Variants in GNAI2 observed in about 807,000 individuals in gnomAD.
GNAI2 encodes the protein G protein subunit alpha i2, also known as guanine nucleotide-binding protein G(i) subunit alpha-2.
In GNAI2, 4 loss-of-function variants were observed where a neutral mutation model predicts 36.8. The observed-to-expected ratio is 0.11, with a 90% CI of 0.05 to 0.25. The LOEUF is 0.25. Ranked by LOEUF, GNAI2 falls within the 10% of genes least tolerant of loss-of-function variation. The pLI is 1.00. For synonymous variants in GNAI2, 194 were observed against 194.1 expected, an observed-to-expected ratio of 1.00 and a Z score of 0.01; for missense variants, 230 against 481.3, an observed-to-expected ratio of 0.48 and a Z score of 4.89.
At chr3:50,234,337 G>C (rs995507862), upstream of GNAI2, among the ~76,000 whole-genome samples, 2 of 151,020 alleles carry the variant, frequency 1.3e-5, no homozygotes, top group African/African-American at 4.9e-5. Flanking sequence ...GATTACAGGC[G>C]TGAGCCACCG....
chr3:50,250,994 A>G (rs1700544272), intron 1 of GNAI2, among the ~76,000 whole-genome samples: 1 of 151,862 alleles, frequency 6.6e-6, no homozygotes, highest in Non-Finnish European at 1.5e-5. Context: ...TATTTTTAGA[A>G]GAGATGGGGT....
intron 1 of GNAI2, 147 bp from the exon 2 acceptor site, chr3:50,251,953 C>T: frequency 1.1e-6 from 1 of 896,970 alleles, no homozygotes; most frequent in Non-Finnish European, 1.7e-6. Flanking sequence ...AGCTCAACTG[C>T]CCACCAGGCC....
chr3:50,246,059 C>T (rs1700412213), intron 1 of GNAI2, among the ~76,000 whole-genome samples: 2 of 152,142 alleles, frequency 1.3e-5, no homozygotes, highest in Non-Finnish European at 2.9e-5. Context: ...CCTCCCAGTG[C>T]CGGACCCGTG....
rs1309158701 is a variant in GNAI2, at chr3:50,258,904, A to T, written c.*561A>T. The T allele has an allele frequency of 6.8e-6, 3 of 444,056 alleles. No individual in the cohort carries two copies. Among genetic ancestry groups the T allele is most frequent in the South Asian group, 4.9e-5 (3 of 61,442 alleles). The allele number at this position is 444,056 out of a possible 1,614,324, so 27.5% of individuals were successfully genotyped here. ...TAAAAAAATGAAAGTAAAGGAAAAA[A>T]AAAAAACTGCAAATCTAGAAAACTT... On this transcript the variant is annotated 3_prime_UTR_variant, in exon 9 of 9. Transcript: ENST00000313601.
chr3:50,230,944 G>A (rs368798206), exon 1 of GNAI2: 6 of 985,498 alleles, frequency 6.1e-6, no homozygotes, highest in South Asian at 9.4e-5. Flanking sequence ...ACTGATGACT[G>A]TGACTGGCTC....
chr3:50,233,918 C>T (rs1458887438), upstream of GNAI2, among the ~76,000 whole-genome samples: 4 of 130,396 alleles, frequency 3.1e-5, no homozygotes, highest in African/African-American at 1.2e-4. Context: ...TTTTTTGAGA[C>T]GGAGTCCTGC....
upstream of GNAI2, chr3:50,235,838 G>A (rs782108444): frequency 6.6e-6 from 1 of 152,186 alleles, no homozygotes; most frequent in Non-Finnish European, 1.5e-5. Flanking sequence ...CTCTGCCCTC[G>A]AGGGCACCGG....
intron 1 of GNAI2, chr3:50,251,533 T>C (rs1474157602): frequency 1.8e-6 from 2 of 1,135,356 alleles, no homozygotes; most frequent in Admixed American, 4.4e-5. Flanking sequence ...CTCCATCTGC[T>C]CAGGGCAGAC....
chr3:50,230,832 G>A (rs1700056308), exon 1 of GNAI2: 15 of 985,632 alleles, frequency 1.5e-5, no homozygotes, highest in Non-Finnish European at 1.8e-5. Context: ...GTGCTCGTGA[G>A]GCCCTGGCTA....
At chr3:50,235,251 G>A (rs1700138556), upstream of GNAI2, 1 of 152,172 alleles carries the variant, frequency 6.6e-6, no homozygotes, top group Admixed American at 6.6e-5. Flanking sequence ...ATTGGGGAAG[G>A]ATGGATATGA....
Position 50,256,399 on chromosome 3 carries a change from T to A in GNAI2, c.593+79T>A, listed in dbSNP as rs1209778834. 6.6e-6 allele frequency: 9 copies of A among 1,356,714 alleles called. No individual in the cohort carries two copies. In the African/African-American group the frequency reaches 1.3e-4, roughly 19 times the overall value. The allele number at this position is 1,356,714 out of a possible 1,614,324, so 84.0% of individuals were successfully genotyped here. On this transcript the variant is annotated intron_variant, in intron 5 of 8. Transcript: ENST00000313601. ...AGCAGAGGCAGGGGCTGGTCCAGGATCCCCCAGCCCCACTGAGGTTTTACA... is the reference window on the plus strand; with the variant it reads ...AGCAGAGGCAGGGGCTGGTCCAGGAACCCCCAGCCCCACTGAGGTTTTACA...
In GNAI2 at chr3:50,253,284, C is replaced by T; in HGVS notation, c.464+100C>T. 11 of 767,238 alleles carry T rather than the reference C, an allele frequency of 1.4e-5. No homozygotes were observed. Among genetic ancestry groups the T allele is most frequent in the South Asian group, 6.9e-5 (3 of 43,512 alleles). 47.5% of individuals were successfully genotyped at this position (767,238 alleles called of 1,614,324 possible). A position where few individuals can be genotyped will look rare whatever the true frequency, so the allele number is the denominator to read the frequency against. On this transcript the variant is annotated intron_variant, in intron 4 of 8. Coordinates refer to ENST00000313601, the MANE Select transcript of GNAI2 (RefSeq NM_002070.4). This position sits in a 1 kb window ranked among gnomAD's most constrained non-coding sequence, Gnocchi z 4.2. ...GAACCCCCAGAAGGACACTGCTGGT[C>T]TTTGCTTATGAAACCGATGACTGTT...
In GNAI2 at chr3:50,253,069, C is replaced by A. The variant is rs782771987; in HGVS notation, c.349C>A (p.Gln117Lys). The change falls in exon 4 of 9, where the codon CAA becomes AAA. Residue 117 changes from glutamine to lysine, a missense_variant. This residue lies in a region of GNAI2 where 132 missense variants were observed against 247.4 expected (regional missense o/e 0.53). Transcript: ENST00000313601. The surrounding 1 kb of genome is among the most constrained non-coding windows in gnomAD (Gnocchi z 4.2). Reference sequence around the variant, plus strand: ...TGCACTGTCCTGCACCGCCGAGGAGCAAGGCGTGCTCCCTGATGACCTGTC... The same window carrying A: ...TGCACTGTCCTGCACCGCCGAGGAGAAAGGCGTGCTCCCTGATGACCTGTC... ...LFALSCTAEE[Q>K]GVLPDDLSGV... 1.2e-6 allele frequency: 2 copies of A among 1,612,034 alleles called. No individual in the cohort carries two copies. The highest frequency in any genetic ancestry group is 4.5e-5 in the East Asian group (2 of 44,798).
At chr3:50,243,147 C>G (rs1700332427) in intron 1 of GNAI2, among the ~76,000 whole-genome samples, 1 of 152,238 alleles carries the variant, frequency 6.6e-6, no homozygotes, top group South Asian at 2.1e-4. Flanking sequence ...CCAGGCTTAT[C>G]TTTGCACTCC....
intron 1 of GNAI2, among the ~76,000 whole-genome samples, chr3:50,249,760 A>G (rs1380348710): frequency 6.6e-6 from 1 of 152,240 alleles, no homozygotes; most frequent in African/African-American, 2.4e-5. Flanking sequence ...CCTGGAAAGC[A>G]GGCCTGGGAC....
chr3:50,249,899 G>A (rs1357121040), intron 1 of GNAI2, among the ~76,000 whole-genome samples: 1 of 152,252 alleles, frequency 6.6e-6, no homozygotes, highest in African/African-American at 2.4e-5. Context: ...CTGCCACCAT[G>A]TCCCAATGCC....
chr3:50,243,890 A>G (rs1315312858), intron 1 of GNAI2, among the ~76,000 whole-genome samples: 3 of 152,088 alleles, frequency 2.0e-5, no homozygotes, highest in African/African-American at 7.2e-5. Flanking sequence ...GCCTGTGCCT[A>G]TGGGCCCTGG....
chr3:50,254,447 G>A (rs1481833158), intron 4 of GNAI2, among the ~76,000 whole-genome samples: 1 of 152,148 alleles, frequency 6.6e-6, no homozygotes, highest in African/African-American at 2.4e-5. Flanking sequence ...GTGGGAGGAG[G>A]AGGAGGGTCT....
At chr3:50,245,903 C>T (rs1281817117) in intron 1 of GNAI2, among the ~76,000 whole-genome samples, 1 of 152,260 alleles carries the variant, frequency 6.6e-6, no homozygotes, top group African/African-American at 2.4e-5. Flanking sequence ...CTGTGAACCC[C>T]TGGAAGCCGC....
Sources: gnomAD v4.1 joint callset for allele counts (sites outside exome capture counted in the v4.1 genomes callset) on GRCh38, gnomAD v4.1.1 for gene constraint, gnomAD v4.1.1 regional missense constraint, Gnocchi (gnomAD v3.1) non-coding constraint, MANE v1.5 for transcripts, NCBI Gene and HGNC (gene_info 2026-07-23, HGNC 2026-07-21) for gene names.